TEX15: variants seen among roughly 807,000 people sequenced by gnomAD.
TEX15 encodes testis expressed 15, meiosis and synapsis associated, also known as testis-expressed protein 15.
A neutral mutation model predicts 237.3 loss-of-function variants in TEX15; 171 were observed. The observed-to-expected ratio is 0.72, with a 90% CI of 0.64 to 0.82. The LOEUF is 0.82. Ranked by LOEUF, TEX15 falls within the 40% of genes least tolerant of loss-of-function variation. The pLI, the probability that TEX15 is intolerant of heterozygous loss-of-function variation, is 0.00. For synonymous variants in TEX15, 1,338 were observed against 1,269.8 expected (o/e 1.05, Z -1.14); for missense variants, 3,750 against 3,646.5 (o/e 1.03, Z -0.73).
chr8:30,853,527 T>C (rs1428215366), intron 7 of TEX15, among the ~76,000 whole-genome samples: 1 of 152,150 alleles, frequency 6.6e-6, no homozygotes, highest in Non-Finnish European at 1.5e-5. Context: ...ACTATTTACA[T>C]AGCACAAATG....
At chr8:30,897,087 T>C (rs758896629) in intron 2 of TEX15, among the ~76,000 whole-genome samples, 45 of 152,210 alleles carry the variant, frequency 3.0e-4, no homozygotes, top group Non-Finnish European at 5.3e-4. Flanking sequence ...AAAATCGGGT[T>C]GAAAAAAATT....
intron 7 of TEX15, among the ~76,000 whole-genome samples, chr8:30,851,816 C>T (rs1243588321): frequency 6.6e-6 from 1 of 151,964 alleles, no homozygotes; most frequent in Non-Finnish European, 1.5e-5. Flanking sequence ...TGCCTGTAGT[C>T]CCAGTTACTT....
chr8:30,887,069 A>G, intron 3 of TEX15, 98 bp downstream of exon 3: 1 of 1,141,896 alleles, frequency 8.8e-7, no homozygotes, highest in Non-Finnish European at 1.2e-6. Flanking sequence ...GAATTAACCT[A>G]ATTTTATATA....
chr8:30,853,320 A>C (rs761522253), intron 7 of TEX15, among the ~76,000 whole-genome samples: 2 of 152,238 alleles, frequency 1.3e-5, no homozygotes, highest in African/African-American at 2.4e-5. Context: ...ACTTGAACAA[A>C]CTATAAAACA....
rs1428849038 is a variant in TEX15, at chr8:30,881,622, TTTTATTA to T, written c.136+5538_136+5544del. ...CCTTCCATCTTGACTTTTTATTTTT[TTTTATTA>T]TTTTTTTTTTTTGAGACAGTCTTGC... On this transcript the variant is annotated intron_variant, in intron 3 of 10. Transcript: ENST00000643185. Among the ~76,000 whole-genome samples, 264 of 124,042 alleles carry T rather than the reference TTTTATTA, an allele frequency of 2.1e-3. 62 individuals carry two copies. Among genetic ancestry groups the T allele is most frequent in the African/African-American group, 0.011 (233 of 20,564 alleles). The allele number at this position is 124,042 out of a possible 152,430, so 81.4% of individuals were successfully genotyped here.
At position 30,845,156 on chromosome 8, in the gene TEX15, G is replaced by A. The variant is rs563432875; in HGVS notation, c.5011C>T (p.Leu1671Phe). The A allele has an allele frequency of 3.1e-6, 5 of 1,613,374 alleles. No homozygotes were observed. Among genetic ancestry groups the A allele is most frequent in the Non-Finnish European group, 4.2e-6 (5 of 1,179,468 alleles). ...TTTCTTTTACAATCAGATAAAATAA[G>A]GTTACCTTGTTGGTAGAGATCATTT... ...FLNDLYQQGN[L>F]ILSDCKRNLE... The change falls in exon 8 of 11, where the codon CTT (leucine) becomes TTT (phenylalanine). Residue 1671 changes from leucine (L) to phenylalanine (F), a missense_variant. Transcript: ENST00000643185.
At chr8:30,854,167 T>C (rs913665283) in intron 7 of TEX15, among the ~76,000 whole-genome samples, 3 of 127,770 alleles carry the variant, frequency 2.3e-5, no homozygotes, top group Middle Eastern at 4.1e-3. Context: ...AAATAGAGAA[T>C]AGAATAGCAA....
chr8:30,840,201 CTT>C (rs879941762), intron 8 of TEX15, among the ~76,000 whole-genome samples: 2 of 145,220 alleles, frequency 1.4e-5, no homozygotes, highest in Non-Finnish European at 1.5e-5. Context: ...ATCCTCACAT[CTT>C]TTTTTTTTTT....
intron 2 of TEX15, 58 bp from the exon 3 acceptor site, chr8:30,887,369 G>A (rs2128776058): frequency 7.4e-7 from 1 of 1,356,692 alleles, no homozygotes; most frequent in South Asian, 1.6e-5. Context: ...AAAGGCAATG[G>A]CAGTACAATC....
At chr8:30,912,480 G>C (rs1267916127) in intron 1 of TEX15, among the ~76,000 whole-genome samples, 1 of 152,210 alleles carries the variant, frequency 6.6e-6, no homozygotes, top group Non-Finnish European at 1.5e-5. Flanking sequence ...CCACCACCAA[G>C]TTGTGGCGCT....
At position 30,837,611 on chromosome 8, in the gene TEX15, C is replaced by A; in HGVS notation, c.8673G>T (p.Ala2891=). 6.2e-7 allele frequency: 1 copy of A among 1,613,924 alleles called. No individual in the cohort carries two copies. The highest frequency in any genetic ancestry group is 8.5e-7 in the Non-Finnish European group (1 of 1,179,862). The change falls in exon 10 of 11, where the codon GCG becomes GCT. Residue 2891 remains alanine (A), a synonymous_variant. Coordinates refer to ENST00000643185, the MANE Select transcript of TEX15 (RefSeq NM_001350162.2). ...AGAAAATTGGCTTTGAGAGCACCGA[C>A]GCATCAGGCACAAGAGAAACATCAG... ...PETDVSLVPD[A]SVLSKPIFCF...
intron 7 of TEX15, among the ~76,000 whole-genome samples, chr8:30,853,122 G>C (rs1280481171): frequency 1.3e-5 from 2 of 152,160 alleles, no homozygotes; most frequent in Non-Finnish European, 2.9e-5. Context: ...TTTGATTAAA[G>C]CAATAAGCTA....
chr8:30,889,954 C>CATAT, intron 2 of TEX15, among the ~76,000 whole-genome samples: 1,396 of 109,962 alleles, frequency 0.013, 35 homozygotes, highest in Middle Eastern at 0.038. Context: ...TATATATATA[C>CATAT]ATATATATAT....
chr8:30,859,996 T>G lies in TEX15; in HGVS notation c.602A>C (p.Asp201Ala). The change falls in exon 6 of 11, where the codon GAT becomes GCT. Residue 201 changes from aspartate (D) to alanine (A), a missense_variant. Transcript: ENST00000643185. Reference protein sequence around the residue: ...PSVDKNKVSLDPSPNFDCHMS... With the variant: ...PSVDKNKVSLAPSPNFDCHMS... The stretch of plus-strand genomic sequence containing the variant: ...ATGGCAATCAAAGTTAGGAGAAGGA[T>G]CCAAAGAAACTTTATTTTTATCCAC... 6.6e-7 allele frequency: 1 copy of G among 1,514,312 alleles called. No individual in the cohort carries two copies. The highest frequency in any genetic ancestry group is 8.8e-7 in the Non-Finnish European group (1 of 1,139,344). The allele number at this position is 1,514,312 out of a possible 1,614,324, so 93.8% of individuals were successfully genotyped here. A position where few individuals can be genotyped will look rare whatever the true frequency, so the allele number is the denominator to read the frequency against.
At chr8:30,875,225 G>A (rs1432682382) in intron 3 of TEX15, 123 bp from the exon 4 acceptor site, 5 of 538,182 alleles carry the variant, frequency 9.3e-6, no homozygotes, top group Non-Finnish European at 1.4e-5. Context: ...AACAACATAA[G>A]GCAACCATTT....
chr8:30,852,984 T>C (rs1184010854), intron 7 of TEX15, among the ~76,000 whole-genome samples: 2 of 152,216 alleles, frequency 1.3e-5, no homozygotes, highest in African/African-American at 4.8e-5. Context: ...TAGTGGCTAC[T>C]GTATTAGATA....
intron 2 of TEX15, among the ~76,000 whole-genome samples, chr8:30,895,675 G>GTTTTT (rs1563276129): frequency 1.8e-4 from 14 of 76,962 alleles, no homozygotes; most frequent in African/African-American, 8.2e-4. Flanking sequence ...TTAAACACAT[G>GTTTTT]CTTTTTTTTT....
chr8:30,856,090 C>T (rs529367517), intron 7 of TEX15, among the ~76,000 whole-genome samples: 10 of 152,000 alleles, frequency 6.6e-5, no homozygotes, highest in African/African-American at 1.4e-4. Flanking sequence ...GGATTATAGG[C>T]GCCTGGCACC....
intron 6 of TEX15, among the ~76,000 whole-genome samples, chr8:30,859,659 A>C (rs1291006601): frequency 6.6e-6 from 1 of 152,166 alleles, no homozygotes; most frequent in Non-Finnish European, 1.5e-5. Flanking sequence ...GTATATTTTG[A>C]AAGTTAGTAA....
Sources: gnomAD v4.1 joint callset for allele counts (sites outside exome capture counted in the v4.1 genomes callset) on GRCh38, gnomAD v4.1.1 for gene constraint, MANE v1.5 for transcripts, NCBI Gene and HGNC (gene_info 2026-07-23, HGNC 2026-07-21) for gene names.